NKAIN2: variants seen among roughly 807,000 people sequenced by gnomAD.
NKAIN2 encodes sodium/potassium-transporting ATPase subunit beta-1-interacting protein 2.
A neutral mutation model predicts 32.6 loss-of-function variants in NKAIN2; 14 were observed. The ratio of observed to expected loss-of-function variants is 0.43; its 90% confidence interval spans 0.28 to 0.67. NKAIN2 has a LOEUF of 0.67. Among genes scored for constraint, NKAIN2 ranks in the 30% least tolerant of loss-of-function variants. NKAIN2 has a pLI of 0.17. For missense variants in NKAIN2, 198 were observed against 258.3 expected, an observed-to-expected ratio of 0.77 and a Z score of 1.60; for synonymous variants, 80 against 87.2, an observed-to-expected ratio of 0.92 and a Z score of 0.46.
chr6:123,860,633 A>G (rs1009433426), intron 1 of NKAIN2, among the ~76,000 whole-genome samples: 1 of 151,694 alleles, frequency 6.6e-6, no homozygotes, highest in Non-Finnish European at 1.5e-5. Flanking sequence ...CTGTCCTGAA[A>G]CTCCTGGGCC....
intron 1 of NKAIN2, among the ~76,000 whole-genome samples, chr6:124,161,292 G>C (rs949559427): frequency 3.9e-5 from 6 of 151,932 alleles, no homozygotes; most frequent in African/African-American, 1.4e-4. Flanking sequence ...ACACACTTTT[G>C]AACAACCAGA....
At chr6:124,791,085 G>T (rs1324116914) in intron 4 of NKAIN2, among the ~76,000 whole-genome samples, 1 of 152,124 alleles carries the variant, frequency 6.6e-6, no homozygotes, top group Non-Finnish European at 1.5e-5. Context: ...ATTTGTTTTA[G>T]ATTGCCTGGC....
At chr6:124,530,034 A>G (rs1779462724) in intron 3 of NKAIN2, among the ~76,000 whole-genome samples, 1 of 152,198 alleles carries the variant, frequency 6.6e-6, no homozygotes, top group Non-Finnish European at 1.5e-5. Context: ...TCTTTTCCCC[A>G]TGTGAAGATA....
intron 4 of NKAIN2, among the ~76,000 whole-genome samples, chr6:124,736,290 T>C (rs975652571): frequency 6.6e-6 from 1 of 151,930 alleles, no homozygotes; most frequent in African/African-American, 2.4e-5. Flanking sequence ...AGTTAGTTCA[T>C]GAGGTTTAAG....
intron 1 of NKAIN2, among the ~76,000 whole-genome samples, chr6:124,012,377 C>A (rs1304146751): frequency 1.3e-5 from 2 of 149,560 alleles, no homozygotes; most frequent in African/African-American, 2.5e-5. Context: ...GCTCTCTCAC[C>A]CAGGCTGGAG....
intron 2 of NKAIN2, among the ~76,000 whole-genome samples, chr6:124,347,526 G>T (rs1798490207): frequency 6.6e-6 from 1 of 152,164 alleles, no homozygotes; most frequent in South Asian, 2.1e-4. Context: ...TGGAGGCTTT[G>T]TTCGTTTCCT....
chr6:124,087,156 G>GA (rs1784223204), intron 1 of NKAIN2, among the ~76,000 whole-genome samples: 1 of 151,842 alleles, frequency 6.6e-6, no homozygotes, highest in Admixed American at 6.6e-5. Flanking sequence ...TATATCAACA[G>GA]ATTAAATGAA....
intron 3 of NKAIN2, among the ~76,000 whole-genome samples, chr6:124,588,489 A>C (rs1562271699): frequency 2.0e-5 from 3 of 152,180 alleles, no homozygotes; most frequent in South Asian, 4.2e-4. Flanking sequence ...TTTTCTTTGG[A>C]TTCACTATTT....
chr6:124,197,682 C>T (rs1412548061), intron 1 of NKAIN2, among the ~76,000 whole-genome samples: 3 of 152,024 alleles, frequency 2.0e-5, no homozygotes, highest in Admixed American at 6.6e-5. Context: ...GGAATATAAA[C>T]ATCACTGCAG....
intron 1 of NKAIN2, among the ~76,000 whole-genome samples, chr6:124,026,794 T>A (rs1781133323): frequency 6.6e-6 from 1 of 152,204 alleles, no homozygotes; most frequent in African/African-American, 2.4e-5. Flanking sequence ...CCATGTTGCA[T>A]GTTAGCTATC....
At chr6:123,829,535 A>G (rs1774289662) in intron 1 of NKAIN2, among the ~76,000 whole-genome samples, 1 of 152,156 alleles carries the variant, frequency 6.6e-6, no homozygotes, top group Admixed American at 6.6e-5. Flanking sequence ...TCTCAACTTT[A>G]CTTTGTCTTA....
chr6:124,744,511 A>T (rs903825849), intron 4 of NKAIN2, among the ~76,000 whole-genome samples: 11 of 150,520 alleles, frequency 7.3e-5, no homozygotes, highest in Non-Finnish European at 7.4e-5. Context: ...GAATCTATTT[A>T]TTTTTTTTTC....
chr6:123,929,577 C>T (rs1776160783), intron 1 of NKAIN2, among the ~76,000 whole-genome samples: 1 of 152,110 alleles, frequency 6.6e-6, no homozygotes, highest in African/African-American at 2.4e-5. Context: ...ACACCGATAA[C>T]AGGCAGCCTA....
chr6:124,139,858 T>C (rs1787047976), intron 1 of NKAIN2, among the ~76,000 whole-genome samples: 1 of 152,182 alleles, frequency 6.6e-6, no homozygotes, highest in African/African-American at 2.4e-5. Flanking sequence ...TCTTGGAAAA[T>C]ACAAGTTGGT....
At chr6:124,610,283 A>G (rs1782643515) in intron 3 of NKAIN2, among the ~76,000 whole-genome samples, 1 of 152,238 alleles carries the variant, frequency 6.6e-6, no homozygotes, top group African/African-American at 2.4e-5. Flanking sequence ...ATATGGTATT[A>G]TCTAGAACTT....
intron 3 of NKAIN2, among the ~76,000 whole-genome samples, chr6:124,414,140 C>T (rs1465716224): frequency 6.6e-6 from 1 of 151,826 alleles, no homozygotes; most frequent in South Asian, 2.1e-4. Flanking sequence ...CAGGGTTTTA[C>T]CATTAAATAG....
At chr6:123,823,824 G>A (rs2114895107) in intron 1 of NKAIN2, among the ~76,000 whole-genome samples, 1 of 152,290 alleles carries the variant, frequency 6.6e-6, no homozygotes, top group African/African-American at 2.4e-5. Context: ...CAAGGAAGAG[G>A]AGGAAGACTG....
intron 1 of NKAIN2, among the ~76,000 whole-genome samples, chr6:124,072,475 AT>A (rs1027645082): frequency 6.6e-6 from 1 of 152,192 alleles, no homozygotes; most frequent in Non-Finnish European, 1.5e-5. Flanking sequence ...AGTTGAAATT[AT>A]TTTAAAAAAT....
rs546494642 is a variant in NKAIN2, at chr6:123,871,812, A to T, written c.54+67558A>T. 2.6e-5 allele frequency among the ~76,000 whole-genome samples: 4 copies of T among 152,312 alleles called. No homozygotes were observed. In the South Asian group the frequency reaches 6.2e-4, roughly 24 times the overall value. On this transcript the variant is annotated intron_variant, in intron 1 of 6. Transcript: ENST00000368417. ...AGTTAAACATTTTATTTAATTTAAA[A>T]CATATAAATATTCATTCATTGACTG...
Sources: allele counts gnomAD v4.1 joint callset (sites outside exome capture counted in the v4.1 genomes callset), GRCh38; gene constraint gnomAD v4.1.1; transcripts MANE v1.5; gene names NCBI Gene and HGNC (gene_info 2026-07-23, HGNC 2026-07-21).